Variants in AJAP1 observed in about 807,000 individuals in gnomAD.
AJAP1 encodes adherens junctions associated protein 1.
In AJAP1, 5 loss-of-function variants were observed where a neutral mutation model predicts 35.0. The ratio of observed to expected loss-of-function variants is 0.14; its 90% CI spans 0.07 to 0.30. AJAP1 has a LOEUF of 0.30. Among genes scored for constraint, AJAP1 ranks in the 10% least tolerant of loss-of-function variants. The probability of loss-of-function intolerance (pLI) is 1.00; values close to 1 mark genes in which losing one functional copy is unlikely to be tolerated. For synonymous variants in AJAP1, 284 were observed against 249.3 expected (o/e 1.14, Z -1.31); for missense variants, 586 against 571.0 (o/e 1.03, Z -0.27).
intron 2 of AJAP1, among the ~76,000 whole-genome samples, chr1:4,744,837 C>T (rs1641152764): frequency 6.6e-6 from 1 of 152,148 alleles, no homozygotes; most frequent in South Asian, 2.1e-4. Flanking sequence ...TGATTTGCCC[C>T]TGCTGGTGTC....
At chr1:4,717,858 T>A (rs187169253) in intron 2 of AJAP1, among the ~76,000 whole-genome samples, 19 of 152,330 alleles carry the variant, frequency 1.2e-4, no homozygotes, top group African/African-American at 4.6e-4. Context: ...TTGAAAGCTG[T>A]GATGGCCATT....
At chr1:4,760,339 CTG>C (rs113887458) in intron 2 of AJAP1, among the ~76,000 whole-genome samples, 13 of 151,048 alleles carry the variant, frequency 8.6e-5, no homozygotes, top group African/African-American at 2.4e-4. Flanking sequence ...GTGTGTGAGT[CTG>C]TGTGTGTGTA....
chr1:4,783,561 A>G lies in AJAP1; in HGVS notation c.*1076A>G, dbSNP rs867050078. On this transcript the variant is annotated 3_prime_UTR_variant, in exon 6 of 6. Coordinates refer to ENST00000378191, the MANE Select transcript of AJAP1 (RefSeq NM_018836.4). The stretch of plus-strand genomic sequence containing the variant: ...TATATATATGTTTGTGTGTGTATAT[A>G]TATGTTTGTGTATATATATACACAT... The G allele has an allele frequency of 6.2e-5, 9 of 145,786 alleles. No homozygotes were observed. In the South Asian group the frequency reaches 8.7e-4, roughly 14 times the overall value. 9.0% of individuals were successfully genotyped at this position (145,786 alleles called of 1,614,324 possible). A position where few individuals can be genotyped will look rare whatever the true frequency, so the allele number is the denominator to read the frequency against.
chr1:4,671,205 C>T (rs1053414622), intron 1 of AJAP1, among the ~76,000 whole-genome samples: 1 of 152,028 alleles, frequency 6.6e-6, no homozygotes, highest in Non-Finnish European at 1.5e-5. Flanking sequence ...CCTGTCTCTA[C>T]TAAAAATGCA....
intron 5 of AJAP1, 68 bp downstream of exon 5, chr1:4,774,626 C>A: frequency 1.1e-6 from 1 of 878,636 alleles, no homozygotes; most frequent in Middle Eastern, 2.3e-4. Flanking sequence ...CCCTCCCCTG[C>A]ACTCTTTGGG....
chr1:4,774,446 C>T lies in AJAP1; in HGVS notation c.1183C>T (p.His395Tyr). 1.2e-6 allele frequency: 2 copies of T among 1,614,220 alleles called. No homozygotes were observed. The highest frequency in any genetic ancestry group is 1.7e-6 in the Non-Finnish European group (2 of 1,180,040). ...CCGCAGACCCTCCTCTTCTGATCGG[C>T]ATCTTATTCCTGTGGCCTTCGTGTC... Reference protein sequence around the residue: ...NGNRPSSSDRHLIPVAFVSEK... With the variant: ...NGNRPSSSDRYLIPVAFVSEK... Residue 395 changes from histidine (H) to tyrosine (Y), a missense_variant, in exon 5 of 6, where the codon CAT becomes TAT. By Grantham distance (83) the His-to-Tyr change is moderately conservative. Transcript: ENST00000378191.
chr1:4,710,590 A>G (rs543859264), intron 1 of AJAP1, among the ~76,000 whole-genome samples: 1 of 152,138 alleles, frequency 6.6e-6, no homozygotes, highest in Admixed American at 6.5e-5. Flanking sequence ...ACTCTACCCA[A>G]CCTGCTTTCC....
rs919207738 is a variant in AJAP1, at chr1:4,783,154, A to T, written c.*669A>T. ...ATCTGATTTATTTAACATGCTTAGT[A>T]TGAGCAGAATAAACCAGTGTTTTCT... On this transcript the variant is annotated 3_prime_UTR_variant, in exon 6 of 6. Coordinates refer to ENST00000378191, the MANE Select transcript of AJAP1 (RefSeq NM_018836.4). The T allele has an allele frequency of 9.5e-5, 24 of 253,926 alleles. No individual in the cohort carries two copies. The highest frequency in any genetic ancestry group is 4.4e-4 in the African/African-American group (20 of 45,452). The allele number at this position is 253,926 out of a possible 1,614,324, so 15.7% of individuals were successfully genotyped here.
chr1:4,747,999 AAAAAACAAAGC>A (rs1641229693), intron 2 of AJAP1, among the ~76,000 whole-genome samples: 1 of 150,920 alleles, frequency 6.6e-6, no homozygotes, highest in Non-Finnish European at 1.5e-5. Flanking sequence ...CTCAAAAAAA[AAAAAACAAAGC>A]AAAAAAACCC....
chr1:4,710,930 G>A (rs920107031), intron 1 of AJAP1, among the ~76,000 whole-genome samples: 7 of 152,258 alleles, frequency 4.6e-5, no homozygotes, highest in East Asian at 1.9e-4. Context: ...GGGCCGCCCC[G>A]CCAGCCCTGA....
intron 1 of AJAP1, among the ~76,000 whole-genome samples, chr1:4,677,335 C>T (rs1478486042): frequency 6.6e-6 from 1 of 152,158 alleles, no homozygotes; most frequent in Non-Finnish European, 1.5e-5. Context: ...CTTTGTAGGG[C>T]TCCTAAAGGT....
chr1:4,675,311 A>G (rs1639339090), intron 1 of AJAP1, among the ~76,000 whole-genome samples: 1 of 152,230 alleles, frequency 6.6e-6, no homozygotes, highest in South Asian at 2.1e-4. Flanking sequence ...AAAGACACAG[A>G]TGAAAGCCAG....
chr1:4,712,663 G>C lies in AJAP1; in HGVS notation c.793G>C (p.Val265Leu). Residue 265 changes from valine to leucine, a missense_variant, in exon 2 of 6, where the codon GTC becomes CTC. Physicochemically the swap from Val to Leu is conservative, Grantham distance 32. Coordinates refer to ENST00000378191, the MANE Select transcript of AJAP1 (RefSeq NM_018836.4). ...PSTSPSNNGE[V>L]TQPPRILGEA... ...CACCAGTCCCAGCAACAACGGGGAA[G>C]TCACCCAGCCCCCAAGGATTCTGGG... is the stretch of plus-strand genomic sequence containing the variant. The C allele has an allele frequency of 6.6e-7, 1 of 1,525,236 alleles. No homozygotes were observed. The highest frequency in any genetic ancestry group is 2.4e-5 in the East Asian group (1 of 42,186). The allele number at this position is 1,525,236 out of a possible 1,614,324, so 94.5% of individuals were successfully genotyped here.
rs140185533 is a variant in AJAP1, at chr1:4,782,295, A to G, written c.*60-250A>G. 6.5e-3 allele frequency among the ~76,000 whole-genome samples: 987 copies of G among 152,244 alleles called. 13 individuals carry two copies. Among genetic ancestry groups the G allele is most frequent in the African/African-American group, 0.022 (918 of 41,560 alleles). On this transcript the variant is annotated intron_variant, in intron 5 of 5. Coordinates refer to ENST00000378191, the MANE Select transcript of AJAP1 (RefSeq NM_018836.4). The surrounding 1 kb of genome is among the most constrained non-coding windows in gnomAD (Gnocchi z 5.3). ...GAGCTCTGTAGATGACCAGAATTCC[A>G]CAAGGTTCAGGCTCCCACTTCATAC...
At chr1:4,741,345 T>A (rs950159346) in intron 2 of AJAP1, among the ~76,000 whole-genome samples, 1 of 152,134 alleles carries the variant, frequency 6.6e-6, no homozygotes, top group Non-Finnish European at 1.5e-5. Flanking sequence ...CTCTGGAGGT[T>A]CCAGGGGAGG....
chr1:4,736,970 G>C (rs1036130001), intron 2 of AJAP1, among the ~76,000 whole-genome samples: 2 of 152,180 alleles, frequency 1.3e-5, no homozygotes, highest in Non-Finnish European at 2.9e-5. Context: ...TTCATGCCCA[G>C]GTCAAGCAAG....
At chr1:4,677,772 G>A (rs1270796198) in intron 1 of AJAP1, among the ~76,000 whole-genome samples, 1 of 152,114 alleles carries the variant, frequency 6.6e-6, no homozygotes, top group Non-Finnish European at 1.5e-5. Flanking sequence ...CCTATGTGTT[G>A]AGGTCATCAG....
chr1:4,666,266 G>A (rs905319335), intron 1 of AJAP1, among the ~76,000 whole-genome samples: 3 of 152,288 alleles, frequency 2.0e-5, no homozygotes, highest in South Asian at 2.1e-4. Flanking sequence ...CAGGAGGAGG[G>A]CAGGGCAGGT....
At chr1:4,672,019 C>T (rs1364291454) in intron 1 of AJAP1, among the ~76,000 whole-genome samples, 3 of 152,226 alleles carry the variant, frequency 2.0e-5, no homozygotes, top group Non-Finnish European at 4.4e-5. Context: ...GGGCGCCTAT[C>T]AGCCTGGGCG....
Sources: gnomAD v4.1 joint callset for allele counts (sites outside exome capture counted in the v4.1 genomes callset) on GRCh38, gnomAD v4.1.1 for gene constraint, Gnocchi (gnomAD v3.1) non-coding constraint, MANE v1.5 for transcripts, NCBI Gene and HGNC (gene_info 2026-07-23, HGNC 2026-07-21) for gene names.